The following SOX5 variants were observed in gnomAD, a reference collection of about 807,000 sequenced individuals.
SOX5 encodes transcription factor SOX-5.
SOX5 carries 9 observed loss-of-function variants against 92.0 expected under a neutral mutation model. The observed-to-expected ratio is 0.10, with a 90% CI of 0.06 to 0.17. The LOEUF (loss-of-function observed/expected upper bound fraction) is 0.17. SOX5 is among the 10% of genes least tolerant of loss of function. The pLI, the probability that SOX5 is intolerant of heterozygous loss-of-function variation, is 1.00. For synonymous variants in SOX5, 344 were observed against 336.3 expected (o/e 1.02, Z -0.25); for missense variants, 642 against 944.5 (o/e 0.68, Z 4.20).
At chr12:24,228,047 G>T (rs1962480426) in intron 3 of SOX5, among the ~76,000 whole-genome samples, 1 of 152,192 alleles carries the variant, frequency 6.6e-6, no homozygotes, top group Admixed American at 6.5e-5. Context: ...AATGGGTGCA[G>T]ATGTCTCCAC....
intron 13 of SOX5, among the ~76,000 whole-genome samples, chr12:23,541,886 G>A (rs1012424394): frequency 9.2e-5 from 14 of 152,266 alleles, no homozygotes; most frequent in African/African-American, 2.4e-4. Context: ...CAAGGTGGGC[G>A]GATCACCTGA....
chr12:24,259,248 G>A (rs1941727137), intron 3 of SOX5, among the ~76,000 whole-genome samples: 1 of 151,740 alleles, frequency 6.6e-6, no homozygotes, highest in Non-Finnish European at 1.5e-5. Context: ...AAGTGAGCGA[G>A]AGAGAGAGCG....
intron 1 of SOX5, among the ~76,000 whole-genome samples, chr12:24,401,347 A>C: frequency 8.5e-6 from 1 of 117,890 alleles, no homozygotes. Flanking sequence ...GCAAGACTCC[A>C]TCTCAGGGGA....
chr12:23,664,105 T>G (rs10771014), intron 7 of SOX5, among the ~76,000 whole-genome samples: 133,602 of 152,056 alleles, frequency 0.88, 58,954 homozygotes, highest in Middle Eastern at 0.93. Context: ...AATCTCAAAT[T>G]GCTTTGCATA....
chr12:24,533,645 T>A (rs918159684), intron 1 of SOX5, among the ~76,000 whole-genome samples: 14 of 152,190 alleles, frequency 9.2e-5, no homozygotes, highest in African/African-American at 2.9e-4. Context: ...AAAGCTTTTT[T>A]AAAAACTGTT....
chr12:24,333,872 A>AG (rs1951606041), intron 2 of SOX5, among the ~76,000 whole-genome samples: 1 of 147,766 alleles, frequency 6.8e-6, no homozygotes, highest in Non-Finnish European at 1.5e-5. Flanking sequence ...AAAAAAAGGT[A>AG]GGGGGAGAAA....
chr12:24,520,429 T>TA (rs1362233680), intron 1 of SOX5, among the ~76,000 whole-genome samples: 3 of 151,608 alleles, frequency 2.0e-5, no homozygotes, highest in Non-Finnish European at 4.4e-5. Context: ...GTTATAATGA[T>TA]AAGATATTTT....
intron 4 of SOX5, among the ~76,000 whole-genome samples, chr12:24,077,804 T>TGC (rs1942833885): frequency 7.2e-6 from 1 of 138,146 alleles, no homozygotes; most frequent in South Asian, 2.3e-4. Flanking sequence ...TATATATATA[T>TGC]ATGCAGCTAA....
chr12:23,830,467 T>A (rs564659636), intron 3 of SOX5, among the ~76,000 whole-genome samples: 1 of 152,112 alleles, frequency 6.6e-6, no homozygotes, highest in Non-Finnish European at 1.5e-5. Flanking sequence ...AAGGGCTCAA[T>A]TGAAAAGTAC....
chr12:23,724,736 GAAGTA>G (rs1391047749), intron 6 of SOX5, among the ~76,000 whole-genome samples: 1 of 152,160 alleles, frequency 6.6e-6, no homozygotes, highest in African/African-American at 2.4e-5. Flanking sequence ...AGATTTGAAT[GAAGTA>G]AAGGTCTAAA....
At chr12:23,759,199 A>T (rs1324148888) in intron 3 of SOX5, among the ~76,000 whole-genome samples, 1 of 152,060 alleles carries the variant, frequency 6.6e-6, no homozygotes, top group Non-Finnish European at 1.5e-5. Context: ...CAACTGTGGA[A>T]TTAAAAGGTA....
At chr12:23,900,409 G>T (rs1278849766) in intron 1 of SOX5, among the ~76,000 whole-genome samples, 1 of 152,134 alleles carries the variant, frequency 6.6e-6, no homozygotes, top group Non-Finnish European at 1.5e-5. Flanking sequence ...CTGCAAGTAG[G>T]CTGTCTCCAA....
chr12:24,311,868 G>A (rs376822128), intron 2 of SOX5, among the ~76,000 whole-genome samples: 2 of 152,200 alleles, frequency 1.3e-5, no homozygotes, highest in Admixed American at 6.5e-5. Context: ...TGTCTGTGAG[G>A]TTCTTGTAAA....
chr12:24,040,805 G>A (rs998826440), intron 4 of SOX5, among the ~76,000 whole-genome samples: 8 of 152,188 alleles, frequency 5.3e-5, no homozygotes, highest in African/African-American at 9.6e-5. Flanking sequence ...CCTGGGAGGC[G>A]GAGCGTGCAG....
At chr12:24,168,620 G>A (rs1369278134) in intron 4 of SOX5, among the ~76,000 whole-genome samples, 3 of 152,080 alleles carry the variant, frequency 2.0e-5, no homozygotes, top group Non-Finnish European at 1.5e-5. Context: ...TCAATAAAAT[G>A]AGCAAGAAAA....
At chr12:24,219,095 A>T (rs1248457440) in intron 3 of SOX5, among the ~76,000 whole-genome samples, 1 of 152,110 alleles carries the variant, frequency 6.6e-6, no homozygotes, top group African/African-American at 2.4e-5. Context: ...TATAAAAGAA[A>T]ATTTTAGCTG....
rs1215156696 is a variant in SOX5, at chr12:24,450,489, T to TATTG, written c.-250-81851_-250-81850insCAAT. Among the ~76,000 whole-genome samples, 34 of 149,890 alleles carry TATTG rather than the reference T, an allele frequency of 2.3e-4. 1 individual carries two copies. The highest frequency in any genetic ancestry group is 6.6e-5 in the Admixed American group (1 of 15,060). On this transcript the variant is annotated intron_variant, in intron 1 of 4. Transcript: ENST00000446891. ...TATTTATTTTATTTATTTATTTATT[T>TATTG]ATTTATTTATTTATTTATTTATTGA...
intron 10 of SOX5, among the ~76,000 whole-genome samples, chr12:23,566,308 A>C (rs778319907): frequency 6.6e-6 from 1 of 152,154 alleles, no homozygotes; most frequent in Admixed American, 6.6e-5. Flanking sequence ...TCAAAGATAC[A>C]TTATCTCATA....
chr12:23,537,298 C>G (rs1940743398), intron 13 of SOX5, among the ~76,000 whole-genome samples: 1 of 152,118 alleles, frequency 6.6e-6, no homozygotes. Flanking sequence ...TACCTTTCAC[C>G]TCAATCTTAT....
Sources: allele counts gnomAD v4.1 joint callset (sites outside exome capture counted in the v4.1 genomes callset), GRCh38; gene constraint gnomAD v4.1.1; transcripts MANE v1.5; gene names NCBI Gene and HGNC (gene_info 2026-07-23, HGNC 2026-07-21).